The following SLC14A2 variants were observed in gnomAD, a reference collection of about 807,000 sequenced individuals.
The protein encoded by SLC14A2 is solute carrier family 14 member 2.
SLC14A2 carries 91 observed loss-of-function variants against 104.6 expected under a neutral mutation model. That is an observed-to-expected ratio of 0.87 (90% CI 0.73 to 1.04). The LOEUF is 1.04. Among genes scored for constraint, SLC14A2 ranks in the 50% least tolerant of loss-of-function variants. The pLI, the probability that SLC14A2 is intolerant of heterozygous loss-of-function variation, is 0.00. For synonymous variants in SLC14A2, 476 were observed against 466.4 expected (o/e 1.02, Z -0.27); for missense variants, 1,189 against 1,156.0 (o/e 1.03, Z -0.41).
At position 45,676,640 on chromosome 18, in the gene SLC14A2, G is replaced by A. The variant is rs964375887; in HGVS notation, c.2513-2335G>A. ...CATCTAATGGGTAAAATCCAGAGAC[G>A]CTGTTAAACACCCTACAATACACAG... On this transcript the variant is annotated intron_variant, in intron 18 of 19. Coordinates refer to ENST00000255226, the MANE Select transcript of SLC14A2 (RefSeq NM_007163.4). 3.3e-5 allele frequency among the ~76,000 whole-genome samples: 5 copies of A among 151,972 alleles called. No individual in the cohort carries two copies. The East Asian group carries it at 5.8e-4, about 18-fold the overall frequency.
At chr18:45,550,604 C>A (rs1392360914) in intron 2 of SLC14A2, among the ~76,000 whole-genome samples, 3 of 150,162 alleles carry the variant, frequency 2.0e-5, no homozygotes, top group South Asian at 4.2e-4. Flanking sequence ...TTACCACCTT[C>A]ATTTTATCAG....
chr18:45,591,454 C>A (rs2044645178), intron 2 of SLC14A2, among the ~76,000 whole-genome samples: 1 of 152,164 alleles, frequency 6.6e-6, no homozygotes, highest in Non-Finnish European at 1.5e-5. Flanking sequence ...TCTGCCTCAG[C>A]CTCCCAAATA....
chr18:45,565,543 C>G (rs1292681586), intron 2 of SLC14A2, among the ~76,000 whole-genome samples: 1 of 152,204 alleles, frequency 6.6e-6, no homozygotes, highest in Non-Finnish European at 1.5e-5. Context: ...GAGAAATGGG[C>G]TGGCGTCGTG....
At chr18:45,342,078 T>G (rs1369052411) in intron 1 of SLC14A2, among the ~76,000 whole-genome samples, 1 of 152,120 alleles carries the variant, frequency 6.6e-6, no homozygotes, top group Admixed American at 6.5e-5. Context: ...ATGTATTGAT[T>G]GGTTGATAAA....
rs563575734 is a variant in SLC14A2, at chr18:45,590,924, G to A, written c.-34-33707G>A. On this transcript the variant is annotated intron_variant, in intron 2 of 20. Transcript: ENST00000586448. ...GCAGATGACAAAATTGAGGCAAGTC[G>A]CCCAATGTCTCACAACAGACTAAGA... Among the ~76,000 whole-genome samples the A allele has an allele frequency of 8.8e-4, 134 of 152,274 alleles. 1 individual carries two copies. In the South Asian group the frequency reaches 0.022, roughly 25 times the overall value.
chr18:45,357,405 G>A (rs897971293), intron 1 of SLC14A2, among the ~76,000 whole-genome samples: 4 of 151,904 alleles, frequency 2.6e-5, no homozygotes, highest in African/African-American at 9.7e-5. Context: ...GAGCCCAGGA[G>A]TTCAAGACTA....
chr18:45,243,549 A>G (rs16978310), intron 1 of SLC14A2, among the ~76,000 whole-genome samples: 48,037 of 152,154 alleles, frequency 0.32, 9,230 homozygotes, highest in African/African-American at 0.54. Flanking sequence ...GAAAAACATC[A>G]CATATCTGAA....
At chr18:45,572,830 C>A (rs550097390) in intron 2 of SLC14A2, among the ~76,000 whole-genome samples, 2 of 152,176 alleles carry the variant, frequency 1.3e-5, no homozygotes, top group South Asian at 4.2e-4. Context: ...GATTGTGCAA[C>A]CCAATGTAAA....
chr18:45,601,995 T>C (rs942709644), intron 2 of SLC14A2, among the ~76,000 whole-genome samples: 5 of 152,268 alleles, frequency 3.3e-5, no homozygotes, highest in African/African-American at 1.2e-4. Flanking sequence ...TTGTGCATGA[T>C]GCCCAGGGGT....
chr18:45,183,429 C>T, the SLC14A2 span, among the ~76,000 whole-genome samples: 5 of 152,160 alleles, frequency 3.3e-5, no homozygotes, highest in African/African-American at 1.2e-4. Context: ...AGCCTACTCG[C>T]ACCATATAAA....
intron 2 of SLC14A2, among the ~76,000 whole-genome samples, chr18:45,503,179 G>A (rs914294053): frequency 1.3e-5 from 2 of 152,122 alleles, no homozygotes; most frequent in African/African-American, 4.8e-5. Context: ...CTGCAGGGGA[G>A]TGATAGTATT....
intron 2 of SLC14A2, among the ~76,000 whole-genome samples, chr18:45,519,613 G>A (rs1401092966): frequency 6.6e-6 from 1 of 152,148 alleles, no homozygotes. Context: ...GAACTAATTG[G>A]AAAAAGGGGG....
chr18:45,402,570 C>G (rs932186206), intron 1 of SLC14A2, among the ~76,000 whole-genome samples: 3 of 152,160 alleles, frequency 2.0e-5, no homozygotes. Context: ...CCCAGTAGAT[C>G]TTGTCAACAT....
At chr18:45,608,519 G>A (rs578161956) in intron 2 of SLC14A2, among the ~76,000 whole-genome samples, 18 of 152,280 alleles carry the variant, frequency 1.2e-4, no homozygotes, top group African/African-American at 2.9e-4. Context: ...GTCCCAGTGC[G>A]TTTTGCTCAT....
chr18:45,589,623 G>C (rs1179093931), intron 2 of SLC14A2, among the ~76,000 whole-genome samples: 1 of 152,192 alleles, frequency 6.6e-6, no homozygotes, highest in African/African-American at 2.4e-5. Context: ...ATTTTGGCAA[G>C]AGTTGAAAAA....
intron 1 of SLC14A2, among the ~76,000 whole-genome samples, chr18:45,344,429 A>G (rs944649933): frequency 6.6e-6 from 1 of 151,958 alleles, no homozygotes; most frequent in Non-Finnish European, 1.5e-5. Context: ...TTCCTATAAC[A>G]CCCTTAGTTT....
At chr18:45,492,259 G>A (rs1310690217) in intron 2 of SLC14A2, 2 of 152,214 alleles carry the variant, frequency 1.3e-5, no homozygotes, top group Admixed American at 6.5e-5. Context: ...CTAATGCCAA[G>A]GGAGGCTAGG....
At chr18:45,238,631 G>T (rs1292056135) in intron 1 of SLC14A2, among the ~76,000 whole-genome samples, 1 of 152,190 alleles carries the variant, frequency 6.6e-6, no homozygotes, top group East Asian at 1.9e-4. Flanking sequence ...GTTTGGGATT[G>T]TATGCATATA....
intron 2 of SLC14A2, among the ~76,000 whole-genome samples, chr18:45,537,031 C>T (rs867930827): frequency 3.9e-5 from 3 of 77,650 alleles, no homozygotes; most frequent in Non-Finnish European, 7.7e-5. Context: ...CCCTCCCTCC[C>T]TCCCTCCCTC....
Sources: allele counts gnomAD v4.1 joint callset (sites outside exome capture counted in the v4.1 genomes callset), GRCh38; gene constraint gnomAD v4.1.1; transcripts MANE v1.5; gene names NCBI Gene and HGNC (gene_info 2026-07-23, HGNC 2026-07-21).